NKAIN3: variants seen among roughly 807,000 people sequenced by gnomAD.
NKAIN3 encodes sodium/potassium transporting ATPase interacting 3, also known as sodium/potassium-transporting ATPase subunit beta-1-interacting protein 3.
NKAIN3 carries 25 observed loss-of-function variants against 30.2 expected under a neutral mutation model. The ratio of observed to expected loss-of-function variants is 0.83; its 90% confidence interval spans 0.60 to 1.16. NKAIN3 has a LOEUF of 1.16. Among genes scored for constraint, NKAIN3 ranks in the 50% most tolerant of loss-of-function variants. The pLI is 0.00. For synonymous variants in NKAIN3, 91 were observed against 89.6 expected, an observed-to-expected ratio of 1.02 and a Z score of -0.09; for missense variants, 225 against 254.1, an observed-to-expected ratio of 0.89 and a Z score of 0.78.
intron 1 of NKAIN3, among the ~76,000 whole-genome samples, chr8:62,365,836 T>C (rs1816720857): frequency 6.6e-6 from 1 of 152,190 alleles, no homozygotes; most frequent in South Asian, 2.1e-4. Flanking sequence ...TTTGCATTTG[T>C]CTGATTAGTG....
At chr8:62,518,368 A>T (rs973456846) in intron 1 of NKAIN3, among the ~76,000 whole-genome samples, 1 of 152,132 alleles carries the variant, frequency 6.6e-6, no homozygotes, top group Non-Finnish European at 1.5e-5. Flanking sequence ...CAAACAAACA[A>T]AAAAAGATAT....
In NKAIN3 at chr8:62,839,265, A is replaced by T. The variant is rs1586254261; in HGVS notation, c.472-79188A>T. 4.6e-5 allele frequency among the ~76,000 whole-genome samples: 7 copies of T among 151,708 alleles called. No homozygotes were observed. In the South Asian group the frequency reaches 1.5e-3, roughly 32 times the overall value. Reference sequence around the variant, plus strand: ...ACTTAAAATCTGCTAAGCCTGACAGACTATTCTATTTAAAGATTTTAGAGG... The same window carrying T: ...ACTTAAAATCTGCTAAGCCTGACAGTCTATTCTATTTAAAGATTTTAGAGG... On this transcript the variant is annotated intron_variant, in intron 4 of 6. Coordinates refer to ENST00000623646, the MANE Select transcript of NKAIN3 (RefSeq NM_001304533.3).
Position 62,467,314 on chromosome 8 carries a change from G to A in NKAIN3, c.55-112225G>A, listed in dbSNP as rs867242350. Among the ~76,000 whole-genome samples the A allele has an allele frequency of 1.6e-4, 24 of 152,226 alleles. 1 individual carries two copies. The highest frequency in any genetic ancestry group is 6.8e-3 in the Middle Eastern group (2 of 294). On this transcript the variant is annotated intron_variant, in intron 1 of 6. Coordinates refer to ENST00000623646, the MANE Select transcript of NKAIN3 (RefSeq NM_001304533.3). ...AGAGATTACATACTTCTTTAGAAAA[G>A]AAAAGTTGGAGAAATCCTAAGAATT... is the stretch of plus-strand genomic sequence containing the variant.
chr8:62,507,010 T>G (rs1287259607), intron 1 of NKAIN3, among the ~76,000 whole-genome samples: 1 of 152,204 alleles, frequency 6.6e-6, no homozygotes, highest in Non-Finnish European at 1.5e-5. Context: ...GGGAAGCTCT[T>G]GCATAAATGA....
intron 4 of NKAIN3, among the ~76,000 whole-genome samples, chr8:62,800,466 G>C (rs968340893): frequency 1.3e-5 from 2 of 152,048 alleles, no homozygotes. Context: ...TTTATGCTAT[G>C]ACCTCAGATC....
At chr8:62,828,041 G>C (rs561642233) in intron 4 of NKAIN3, among the ~76,000 whole-genome samples, 1 of 151,628 alleles carries the variant, frequency 6.6e-6, no homozygotes, top group South Asian at 2.1e-4. Context: ...GAAGAGAAAA[G>C]CCAACAGGTA....
At chr8:62,440,725 A>G (rs1805299523) in intron 1 of NKAIN3, among the ~76,000 whole-genome samples, 1 of 149,424 alleles carries the variant, frequency 6.7e-6, no homozygotes, top group African/African-American at 2.5e-5. Context: ...TTCAAGAGAG[A>G]GCTAACGACT....
At chr8:62,908,548 G>A (rs1821846527) in intron 4 of NKAIN3, among the ~76,000 whole-genome samples, 1 of 152,118 alleles carries the variant, frequency 6.6e-6, no homozygotes, top group Admixed American at 6.5e-5. Context: ...CCAGTGGGAG[G>A]TAGTTGAATC....
At chr8:62,587,644 A>T (rs527604435) in intron 2 of NKAIN3, among the ~76,000 whole-genome samples, 10 of 152,096 alleles carry the variant, frequency 6.6e-5, no homozygotes, top group Admixed American at 2.0e-4. Flanking sequence ...CCTAACTCTG[A>T]CACTAAATAG....
intron 1 of NKAIN3, among the ~76,000 whole-genome samples, chr8:62,459,089 G>A (rs1452081312): frequency 2.0e-5 from 3 of 151,994 alleles, no homozygotes; most frequent in Non-Finnish European, 4.4e-5. Flanking sequence ...GCAAGTTTGG[G>A]CTATTAGACC....
chr8:62,670,273 G>C (rs549190180), intron 3 of NKAIN3, among the ~76,000 whole-genome samples: 20 of 152,236 alleles, frequency 1.3e-4, no homozygotes, highest in African/African-American at 4.6e-4. Context: ...TGAGAGAACA[G>C]GACAAGCATG....
intron 4 of NKAIN3, among the ~76,000 whole-genome samples, chr8:62,750,605 A>T (rs1489555188): frequency 6.6e-6 from 1 of 152,118 alleles, no homozygotes; most frequent in African/African-American, 2.4e-5. Flanking sequence ...GGGGGGTGCC[A>T]CGTGCATCCT....
rs112047873 is a variant in NKAIN3, at chr8:62,839,716, A to G, written c.472-78737A>G. Among the ~76,000 whole-genome samples the G allele has an allele frequency of 3.6e-3, 541 of 152,152 alleles. 5 individuals carry two copies. Among genetic ancestry groups the G allele is most frequent in the African/African-American group, 0.011 (458 of 41,526 alleles). Reference sequence around the variant, plus strand: ...TCCTGGAGCCCAACTCCTGGGCTCAAGCAATCCTCCTGCCTCAGCCTCCTG... The same window carrying G: ...TCCTGGAGCCCAACTCCTGGGCTCAGGCAATCCTCCTGCCTCAGCCTCCTG... On this transcript the variant is annotated intron_variant, in intron 4 of 6. Transcript: ENST00000623646.
At chr8:62,574,483 A>T (rs895355574) in intron 1 of NKAIN3, among the ~76,000 whole-genome samples, 2 of 152,132 alleles carry the variant, frequency 1.3e-5, no homozygotes, top group Non-Finnish European at 2.9e-5. Flanking sequence ...TTTTAACAAA[A>T]ATAACAAAAT....
In NKAIN3 at chr8:62,547,029, G is replaced by A. The variant is rs188877539; in HGVS notation, c.55-32510G>A. On this transcript the variant is annotated intron_variant, in intron 1 of 6. Coordinates refer to ENST00000623646, the MANE Select transcript of NKAIN3 (RefSeq NM_001304533.3). ...ACAGGAGACAATCCTTTTCATTACTGTTGTCTATCTGTGGTCTAAAGATGG... is the reference window on the plus strand; with the variant it reads ...ACAGGAGACAATCCTTTTCATTACTATTGTCTATCTGTGGTCTAAAGATGG... 5.2e-3 allele frequency among the ~76,000 whole-genome samples: 792 copies of A among 152,312 alleles called. 5 individuals are homozygous for A. Among genetic ancestry groups the A allele is most frequent in the African/African-American group, 0.017 (699 of 41,574 alleles).
intron 1 of NKAIN3, among the ~76,000 whole-genome samples, chr8:62,568,761 A>G (rs984385194): frequency 1.3e-5 from 2 of 152,210 alleles, no homozygotes; most frequent in African/African-American, 4.8e-5. Context: ...CATCTTTATT[A>G]TTGAATTTTA....
chr8:62,686,632 C>G (rs1231012014), intron 3 of NKAIN3, among the ~76,000 whole-genome samples: 2 of 152,134 alleles, frequency 1.3e-5, no homozygotes, highest in African/African-American at 4.8e-5. Context: ...TGAAGACAGT[C>G]TCTCAAAATA....
intron 1 of NKAIN3, among the ~76,000 whole-genome samples, chr8:62,331,587 C>T (rs1359462660): frequency 6.6e-6 from 1 of 152,136 alleles, no homozygotes; most frequent in Non-Finnish European, 1.5e-5. Flanking sequence ...CAGGAAAGTA[C>T]TGAACATTAA....
At position 62,571,632 on chromosome 8, in the gene NKAIN3, C is replaced by T. The variant is rs147315311; in HGVS notation, c.55-7907C>T. Among the ~76,000 whole-genome samples, 523 of 152,274 alleles carry T rather than the reference C, an allele frequency of 3.4e-3. 4 individuals are homozygous for T. The highest frequency in any genetic ancestry group is 0.024 in the Middle Eastern group (7 of 294). On this transcript the variant is annotated intron_variant, in intron 1 of 6. Transcript: ENST00000623646. ...GAGGATCTCCATGAGGGCCCCGCCA[C>T]TGCAGCAATCTTCTGCTGGGCATCC...
Sources: gnomAD v4.1 joint callset for allele counts (sites outside exome capture counted in the v4.1 genomes callset) on GRCh38, gnomAD v4.1.1 for gene constraint, MANE v1.5 for transcripts, NCBI Gene and HGNC (gene_info 2026-07-23, HGNC 2026-07-21) for gene names.